Variants in RBFOX2 observed in about 807,000 individuals in gnomAD.
The protein encoded by RBFOX2 is RNA binding fox-1 homolog 2, also known as RNA binding protein fox-1 homolog 2.
In RBFOX2, 10 loss-of-function variants were observed where a neutral mutation model predicts 49.1. That is an observed-to-expected ratio of 0.20 (90% CI 0.13 to 0.35). The LOEUF is 0.35. RBFOX2 is among the 10% of genes least tolerant of loss of function. RBFOX2 has a pLI of 1.00. For missense variants in RBFOX2, 323 were observed against 486.9 expected, an observed-to-expected ratio of 0.66 and a Z score of 3.17; for synonymous variants, 183 against 187.4, an observed-to-expected ratio of 0.98 and a Z score of 0.19.
At chr22:35,974,845 T>A (rs185829357) in intron 1 of RBFOX2, among the ~76,000 whole-genome samples, 1 of 152,258 alleles carries the variant, frequency 6.6e-6, no homozygotes, top group East Asian at 1.9e-4. Flanking sequence ...CTCCCAAAGA[T>A]TCCTCCCCTG....
At chr22:35,968,542 G>A (rs2056695168) in intron 1 of RBFOX2, among the ~76,000 whole-genome samples, 1 of 152,110 alleles carries the variant, frequency 6.6e-6, no homozygotes, top group Admixed American at 6.5e-5. Context: ...TAAACAAGAA[G>A]AAAAGAAGCT....
chr22:35,999,762 A>G (rs1205099577), intron 1 of RBFOX2: 1 of 152,110 alleles, frequency 6.6e-6, no homozygotes, highest in African/African-American at 2.4e-5. Flanking sequence ...ACACTGTTGC[A>G]TAGGTACTAC....
intron 1 of RBFOX2, among the ~76,000 whole-genome samples, chr22:36,001,097 C>T (rs924277557): frequency 2.6e-5 from 4 of 151,762 alleles, no homozygotes; most frequent in African/African-American, 9.7e-5. Context: ...TAAAGAAGGT[C>T]CTTCTCAGAA....
intron 1 of RBFOX2, among the ~76,000 whole-genome samples, chr22:35,987,647 T>C (rs539000608): frequency 6.6e-6 from 1 of 152,278 alleles, no homozygotes; most frequent in South Asian, 2.1e-4. Context: ...CAGCCTGTCA[T>C]AAAGAAGCGT....
At chr22:35,880,745 G>T (rs892071663) in intron 1 of RBFOX2, among the ~76,000 whole-genome samples, 1 of 149,144 alleles carries the variant, frequency 6.7e-6, no homozygotes, top group Non-Finnish European at 1.5e-5. Flanking sequence ...TGAAATTTTA[G>T]AAGATCTTTA....
At chr22:35,764,528 TG>T (rs1465920202) in intron 6 of RBFOX2, among the ~76,000 whole-genome samples, 3 of 146,322 alleles carry the variant, frequency 2.1e-5, no homozygotes, top group Non-Finnish European at 1.5e-5. Flanking sequence ...GAGCTTGCAG[TG>T]AGCCTTGATT....
chr22:35,980,316 G>T (rs1033830282), intron 1 of RBFOX2, among the ~76,000 whole-genome samples: 26 of 152,082 alleles, frequency 1.7e-4, no homozygotes, highest in Admixed American at 9.8e-4. Flanking sequence ...CTTCCCTTAG[G>T]TTTTCATCCT....
chr22:35,786,614 C>T (rs1316817781), intron 2 of RBFOX2, among the ~76,000 whole-genome samples: 1 of 152,206 alleles, frequency 6.6e-6, no homozygotes, highest in Non-Finnish European at 1.5e-5. Context: ...TCCCAAAGTG[C>T]TGGGATTACA....
intron 1 of RBFOX2, among the ~76,000 whole-genome samples, chr22:35,859,647 C>T (rs891468511): frequency 6.6e-6 from 1 of 152,188 alleles, no homozygotes; most frequent in African/African-American, 2.4e-5. Flanking sequence ...ACATGGCATA[C>T]AAACTGTGAG....
upstream of RBFOX2, among the ~76,000 whole-genome samples, chr22:35,941,282 T>C (rs1023494517): frequency 3.9e-5 from 6 of 152,106 alleles, no homozygotes; most frequent in Non-Finnish European, 1.5e-5. Context: ...CTCTACAAAT[T>C]TTAACAATGA....
At chr22:36,013,418 A>C (rs2058902531) in intron 1 of RBFOX2, among the ~76,000 whole-genome samples, 1 of 152,206 alleles carries the variant, frequency 6.6e-6, no homozygotes, top group Admixed American at 6.5e-5. Flanking sequence ...TAAGCACATT[A>C]CATACAGTAT....
At chr22:35,775,857 A>AAAAAGAAAAG (rs1191374091) in intron 4 of RBFOX2, among the ~76,000 whole-genome samples, 3 of 150,358 alleles carry the variant, frequency 2.0e-5, no homozygotes, top group South Asian at 2.1e-4. Context: ...AAAAAAAAAA[A>AAAAAGAAAAG]AAAAGAAAAG....
chr22:35,819,146 T>C (rs935168067), intron 1 of RBFOX2, among the ~76,000 whole-genome samples: 4 of 152,170 alleles, frequency 2.6e-5, no homozygotes, highest in African/African-American at 7.2e-5. Flanking sequence ...GATGAGCATA[T>C]AGGAAGTGCC....
chr22:35,773,771 G>A (rs996912891), intron 4 of RBFOX2, among the ~76,000 whole-genome samples: 19 of 152,162 alleles, frequency 1.2e-4, no homozygotes, highest in African/African-American at 4.3e-4. Context: ...GTTACAATCT[G>A]TGTATTTCTT....
chr22:35,920,492 G>T (rs1021635810), intron 1 of RBFOX2, among the ~76,000 whole-genome samples: 1 of 151,936 alleles, frequency 6.6e-6, no homozygotes, highest in Admixed American at 6.6e-5. Flanking sequence ...TTATTTCTGG[G>T]CTCACTTTAA....
At chr22:35,981,153 A>T (rs2150061871) in intron 1 of RBFOX2, among the ~76,000 whole-genome samples, 1 of 152,312 alleles carries the variant, frequency 6.6e-6, no homozygotes. Context: ...CTAATGAAAA[A>T]ACTGAGGCTT....
At chr22:35,980,780 T>A (rs1175612815) in intron 1 of RBFOX2, among the ~76,000 whole-genome samples, 1 of 152,162 alleles carries the variant, frequency 6.6e-6, no homozygotes. Flanking sequence ...ACTTACAGTT[T>A]AGCAGGTGGG....
chr22:35,840,633 T>C (rs945126274), upstream of RBFOX2: 40 of 513,960 alleles, frequency 7.8e-5, no homozygotes, highest in Middle Eastern at 1.9e-3. Context: ...CGTGTGTGCG[T>C]GTGTGTGTGT....
intron 2 of RBFOX2, among the ~76,000 whole-genome samples, chr22:35,785,243 A>T (rs1946142582): frequency 6.6e-6 from 1 of 152,196 alleles, no homozygotes; most frequent in African/African-American, 2.4e-5. Flanking sequence ...CTAAATCCTC[A>T]AAAAAGTTAT....
Sources: allele counts gnomAD v4.1 joint callset (sites outside exome capture counted in the v4.1 genomes callset), GRCh38; gene constraint gnomAD v4.1.1; transcripts MANE v1.5; gene names NCBI Gene and HGNC (gene_info 2026-07-23, HGNC 2026-07-21).